The following SCP2 variants were observed in gnomAD, a reference collection of about 807,000 sequenced individuals.
SCP2 encodes the protein sterol carrier protein 2.
Under a neutral mutation model 71.4 loss-of-function variants are expected in SCP2, and 48 were observed. The observed-to-expected ratio is 0.67, with a 90% CI of 0.53 to 0.86. SCP2 has a LOEUF of 0.86. Among genes scored for constraint, SCP2 ranks in the 40% least tolerant of loss-of-function variants. SCP2 has a pLI of 0.00. For missense variants in SCP2, 560 were observed against 655.6 expected (o/e 0.85, Z 1.59); for synonymous variants, 220 against 218.1 (o/e 1.01, Z -0.08).
intron 1 of SCP2, among the ~76,000 whole-genome samples, chr1:52,929,365 T>C (rs545807122): frequency 6.6e-5 from 10 of 152,218 alleles, no homozygotes; most frequent in African/African-American, 2.2e-4. Flanking sequence ...AAAAAATTTT[T>C]TTTGTAGAGA....
At chr1:52,962,548 C>T (rs1421189286) in intron 6 of SCP2, among the ~76,000 whole-genome samples, 2 of 152,150 alleles carry the variant, frequency 1.3e-5, no homozygotes, top group Non-Finnish European at 2.9e-5. Flanking sequence ...TTCTTATGGC[C>T]TATGAGCTTC....
At chr1:53,009,843 C>T (rs1351474062) in intron 11 of SCP2, among the ~76,000 whole-genome samples, 2 of 152,142 alleles carry the variant, frequency 1.3e-5, no homozygotes, top group Admixed American at 6.5e-5. Context: ...CACAGGCAAC[C>T]TACAGAATGG....
intron 11 of SCP2, chr1:52,994,866 C>A: frequency 2.0e-6 from 1 of 509,404 alleles, no homozygotes; most frequent in East Asian, 5.0e-5. Context: ...TGGACTGTGT[C>A]TCCATGTACT....
intron 4 of SCP2, among the ~76,000 whole-genome samples, chr1:52,951,509 A>G (rs1242315): frequency 0.41 from 60,194 of 145,286 alleles, 14,980 homozygotes; most frequent in Non-Finnish European, 0.57. Flanking sequence ...AGGATGTATG[A>G]TCATACCACT....
At chr1:53,046,108 C>T (rs766934337) in intron 14 of SCP2, among the ~76,000 whole-genome samples, 8 of 152,158 alleles carry the variant, frequency 5.3e-5, no homozygotes, top group Non-Finnish European at 1.2e-4. Context: ...ATCTTAAAGC[C>T]ACTATAAGCA....
intron 6 of SCP2, among the ~76,000 whole-genome samples, chr1:52,969,206 T>G (rs565818897): frequency 6.6e-6 from 1 of 151,900 alleles, no homozygotes; most frequent in South Asian, 2.1e-4. Flanking sequence ...AGCTTAAACC[T>G]GTGTTGTTCA....
rs765785468 is a variant in SCP2, at chr1:53,027,931, A to G, written c.1236-38A>G. 5 of 1,125,324 alleles carry G rather than the reference A, an allele frequency of 4.4e-6. No individual in the cohort carries two copies. In the Admixed American group the frequency reaches 5.1e-5, roughly 11 times the overall value. 69.7% of individuals were successfully genotyped at this position (1,125,324 alleles called of 1,614,324 possible). A position where few individuals can be genotyped will look rare whatever the true frequency, so the allele number is the denominator to read the frequency against. On this transcript the variant is annotated intron_variant, in intron 12 of 15. Coordinates refer to ENST00000371514, the MANE Select transcript of SCP2 (RefSeq NM_002979.5). ...ATAAATGTTGAAAAACCTAGTACCT[A>G]TGTGACTCCATGAATTGAAACAGTT...
chr1:52,934,343 G>A (rs1189178154), intron 1 of SCP2, among the ~76,000 whole-genome samples: 3 of 151,678 alleles, frequency 2.0e-5, no homozygotes, highest in Non-Finnish European at 2.9e-5. Flanking sequence ...TAACGGGACA[G>A]GTAATATTAA....
At chr1:52,931,840 G>C (rs1313537257) in intron 1 of SCP2, among the ~76,000 whole-genome samples, 1 of 152,034 alleles carries the variant, frequency 6.6e-6, no homozygotes, top group Non-Finnish European at 1.5e-5. Flanking sequence ...TTGGAGGAGG[G>C]ATCAGAAGAC....
chr1:52,963,646 T>C (rs1311977128), intron 6 of SCP2: 3 of 152,204 alleles, frequency 2.0e-5, no homozygotes, highest in Admixed American at 6.5e-5. Flanking sequence ...CTCCCAGTAA[T>C]AGTAGCTGCT....
intron 1 of SCP2, among the ~76,000 whole-genome samples, chr1:52,933,120 A>G (rs1040222498): frequency 1.1e-4 from 16 of 152,180 alleles, no homozygotes; most frequent in Admixed American, 9.8e-4. Flanking sequence ...CTTATTCCCC[A>G]TGGGGCAGGA....
intron 13 of SCP2, among the ~76,000 whole-genome samples, chr1:53,031,846 A>G (rs1189103970): frequency 6.6e-6 from 1 of 152,200 alleles, no homozygotes; most frequent in Non-Finnish European, 1.5e-5. Context: ...GAGGAGAAGT[A>G]GTAAGGTTAT....
chr1:52,941,704 C>T (rs762933153), intron 1 of SCP2, 92 bp from the exon 2 acceptor site: 12 of 774,388 alleles, frequency 1.5e-5, no homozygotes, highest in Non-Finnish European at 2.4e-5. Flanking sequence ...CACTGCACTC[C>T]AGCCTGGGTA....
At chr1:52,941,685 A>T (rs761640487) in intron 1 of SCP2, 111 bp from the exon 2 acceptor site, 1 of 638,762 alleles carries the variant, frequency 1.6e-6, no homozygotes, top group Non-Finnish European at 2.8e-6. Context: ...CAGTGAGCCG[A>T]GATCATGCCA....
chr1:52,951,024 T>C lies in SCP2; in HGVS notation c.331+138T>C, dbSNP rs538118407. 23 of 963,510 alleles carry C rather than the reference T, an allele frequency of 2.4e-5. No individual in the cohort carries two copies. In the African/African-American group the frequency reaches 2.4e-4, roughly 10 times the overall value. The allele number at this position is 963,510 out of a possible 1,614,324, so 59.7% of individuals were successfully genotyped here. A position where few individuals can be genotyped will look rare whatever the true frequency, so the allele number is the denominator to read the frequency against. ...GGCCGGGTGTGGTGGCTTATGCTTG[T>C]AACCCTAGCACTTTGGGAGGCCGAG... On this transcript the variant is annotated intron_variant, in intron 4 of 15. Coordinates refer to ENST00000371514, the MANE Select transcript of SCP2 (RefSeq NM_002979.5).
intron 12 of SCP2, among the ~76,000 whole-genome samples, chr1:53,023,698 G>A (rs1335507775): frequency 6.6e-6 from 1 of 152,192 alleles, no homozygotes; most frequent in South Asian, 2.1e-4. Flanking sequence ...GACCCAGGGA[G>A]CAGCAGTGGC....
chr1:52,991,440 G>A lies in SCP2; in HGVS notation c.1081+3304G>A, dbSNP rs145744272. 4.3e-3 allele frequency among the ~76,000 whole-genome samples: 618 copies of A among 142,860 alleles called. 1 individual carries two copies. The highest frequency in any genetic ancestry group is 6.2e-3 in the Non-Finnish European group (417 of 66,936). The allele number at this position is 142,860 out of a possible 152,430, so 93.7% of individuals were successfully genotyped here. A position where few individuals can be genotyped will look rare whatever the true frequency, so the allele number is the denominator to read the frequency against. On this transcript the variant is annotated intron_variant, in intron 11 of 15. Coordinates refer to ENST00000371514, the MANE Select transcript of SCP2 (RefSeq NM_002979.5). The stretch of plus-strand genomic sequence containing the variant: ...CCTTGAAACGGAGTCTTGCTTTGTC[G>A]CCCAGGCTGGAGCGCAGTAGCGCGA...
At chr1:52,985,367 C>A (rs1658893375) in intron 10 of SCP2, among the ~76,000 whole-genome samples, 1 of 152,142 alleles carries the variant, frequency 6.6e-6, no homozygotes, top group South Asian at 2.1e-4. Flanking sequence ...GAATTCTTTT[C>A]TCTCTCTCAC....
intron 14 of SCP2, among the ~76,000 whole-genome samples, chr1:53,041,816 TC>T (rs1663459118): frequency 6.6e-6 from 1 of 152,094 alleles, no homozygotes; most frequent in Admixed American, 6.5e-5. Context: ...AAGGATGACA[TC>T]GGGAGCACAG....
Sources: gnomAD v4.1 joint callset for allele counts (sites outside exome capture counted in the v4.1 genomes callset) on GRCh38, gnomAD v4.1.1 for gene constraint, MANE v1.5 for transcripts, NCBI Gene and HGNC (gene_info 2026-07-23, HGNC 2026-07-21) for gene names.